Variants in HECW1 observed in about 807,000 individuals in gnomAD.
HECW1 encodes the protein HECT, C2 and WW domain containing E3 ubiquitin protein ligase 1.
A neutral mutation model predicts 182.3 loss-of-function variants in HECW1; 61 were observed. That is an observed-to-expected ratio of 0.33 (90% CI 0.27 to 0.41). HECW1 has a LOEUF of 0.41. Ranked by LOEUF, HECW1 falls within the 10% of genes least tolerant of loss-of-function variation. The probability of loss-of-function intolerance (pLI) is 1.00; values close to 1 mark genes in which losing one functional copy is unlikely to be tolerated. For missense variants in HECW1, 1,739 were observed against 2,108.9 expected (o/e 0.82, Z 3.44); for synonymous variants, 859 against 832.6 (o/e 1.03, Z -0.55).
intron 2 of HECW1, among the ~76,000 whole-genome samples, chr7:43,233,090 C>T (rs1798021532): frequency 6.6e-6 from 1 of 152,158 alleles, no homozygotes; most frequent in African/African-American, 2.4e-5. Flanking sequence ...TCTAACTTCT[C>T]TCCTTCTCCC....
rs146270567 is a variant in HECW1 at position 43,306,025 on chromosome 7, G to A, written c.28-5738G>A. Among the ~76,000 whole-genome samples, 129 of 152,242 alleles carry A rather than the reference G, an allele frequency of 8.5e-4. 1 individual carries two copies. The highest frequency in any genetic ancestry group is 6.8e-3 in the Middle Eastern group (2 of 294). ...TCCGCCCACCTCAGCCTCCCAAAGT[G>A]CCAGCATTACAGGTGTGAGCCACCC... On this transcript the variant is annotated intron_variant, in intron 3 of 29. Transcript: ENST00000395891.
chr7:43,272,034 A>C (rs1400770715), intron 3 of HECW1, among the ~76,000 whole-genome samples: 2 of 152,058 alleles, frequency 1.3e-5, no homozygotes, highest in Non-Finnish European at 2.9e-5. Flanking sequence ...GCACCCAGAA[A>C]TAAGGCCACC....
chr7:43,124,886 T>G (rs547438685), intron 2 of HECW1, among the ~76,000 whole-genome samples: 18 of 152,368 alleles, frequency 1.2e-4, no homozygotes, highest in Middle Eastern at 3.4e-3. Flanking sequence ...AAACCAAGTA[T>G]AACTGTAAGT....
chr7:43,295,612 G>A (rs2152758808), intron 3 of HECW1, among the ~76,000 whole-genome samples: 1 of 152,318 alleles, frequency 6.6e-6, no homozygotes, highest in Non-Finnish European at 1.5e-5. Flanking sequence ...AGGGAGGCAA[G>A]AGGCCCAAGG....
Position 43,501,200 on chromosome 7 carries a change from T to TAATA in HECW1, c.3522-13_3522-12insAATA. 1 of 1,250,486 alleles carries TAATA rather than the reference T, an allele frequency of 8.0e-7. No individual in the cohort carries two copies. The highest frequency in any genetic ancestry group is 1.1e-6 in the Non-Finnish European group (1 of 890,648). 77.5% of individuals were successfully genotyped at this position (1,250,486 alleles called of 1,614,324 possible). A position where few individuals can be genotyped will look rare whatever the true frequency, so the allele number is the denominator to read the frequency against. On this transcript the variant is annotated splice_polypyrimidine_tract_variant and intron_variant, in intron 20 of 29. Coordinates refer to ENST00000395891, the MANE Select transcript of HECW1 (RefSeq NM_015052.5). ...TTTTCTTTCTTTTTTTTTTTTTTTT[T>TAATA]TTTCATATGCAGTCTCTTTGAAGAA...
intron 2 of HECW1, among the ~76,000 whole-genome samples, chr7:43,167,481 A>G (rs1363658080): frequency 6.6e-6 from 1 of 152,210 alleles, no homozygotes; most frequent in Non-Finnish European, 1.5e-5. Flanking sequence ...CCACTATTCA[A>G]CAACTCCAGA....
At chr7:43,337,720 G>A (rs1169825540) in intron 5 of HECW1, among the ~76,000 whole-genome samples, 4 of 152,204 alleles carry the variant, frequency 2.6e-5, no homozygotes, top group East Asian at 3.8e-4. Context: ...GAATAGCCAA[G>A]ATCATTGTCT....
Position 43,305,982 on chromosome 7 carries a change from ACT to A in HECW1, c.28-5779_28-5778del, listed in dbSNP as rs1168700479. 4.6e-5 allele frequency among the ~76,000 whole-genome samples: 7 copies of A among 151,700 alleles called. No homozygotes were observed. In the East Asian group the frequency reaches 1.4e-3, roughly 29 times the overall value. ...TCCATGTTGGTCAAGCTGGTCTCGAACTCCCAACCTCAGATGATCCGCCCACC... is the reference window on the plus strand; with the variant it reads ...TCCATGTTGGTCAAGCTGGTCTCGAACCCAACCTCAGATGATCCGCCCACC... On this transcript the variant is annotated intron_variant, in intron 3 of 29. Transcript: ENST00000395891.
intron 2 of HECW1, among the ~76,000 whole-genome samples, chr7:43,196,710 A>G (rs1489308580): frequency 6.6e-6 from 1 of 152,190 alleles, no homozygotes; most frequent in Admixed American, 6.5e-5. Context: ...TTTTTCCACA[A>G]TATGCCCAGC....
At chr7:43,172,912 C>T (rs1466056441) in intron 2 of HECW1, among the ~76,000 whole-genome samples, 4 of 152,220 alleles carry the variant, frequency 2.6e-5, no homozygotes, top group African/African-American at 7.2e-5. Flanking sequence ...TACAGCTAGA[C>T]CATTTCACAT....
At chr7:43,514,445 C>T (rs927880191) in intron 24 of HECW1, among the ~76,000 whole-genome samples, 3 of 151,942 alleles carry the variant, frequency 2.0e-5, no homozygotes, top group Non-Finnish European at 4.4e-5. Flanking sequence ...CATGCCACCA[C>T]GCCCAGCTAA....
intron 2 of HECW1, among the ~76,000 whole-genome samples, chr7:43,209,808 C>T (rs997799507): frequency 3.3e-5 from 5 of 152,226 alleles, no homozygotes; most frequent in Admixed American, 6.5e-5. Flanking sequence ...AAATGAGAGG[C>T]GGGCATTCCA....
At chr7:43,310,951 C>T (rs1808424016) in intron 3 of HECW1, among the ~76,000 whole-genome samples, 1 of 152,148 alleles carries the variant, frequency 6.6e-6, no homozygotes, top group South Asian at 2.1e-4. Context: ...TTGCTTGTTT[C>T]TGCATGAGTT....
chr7:43,281,322 C>A (rs964920615), intron 3 of HECW1, among the ~76,000 whole-genome samples: 40 of 152,216 alleles, frequency 2.6e-4, no homozygotes, highest in African/African-American at 9.4e-4. Flanking sequence ...ACTTGTTGCA[C>A]CAGGCTCTCC....
intron 8 of HECW1, among the ~76,000 whole-genome samples, chr7:43,417,614 G>A (rs1187270388): frequency 6.6e-6 from 1 of 152,108 alleles, no homozygotes; most frequent in Admixed American, 6.5e-5. Flanking sequence ...TACAATCCCA[G>A]CTACTCGGGA....
At chr7:43,488,449 A>AAAGAAAG (rs1491472491) in intron 17 of HECW1, among the ~76,000 whole-genome samples, 5 of 139,136 alleles carry the variant, frequency 3.6e-5, no homozygotes, top group South Asian at 2.5e-4. Context: ...AGAAAGAAAG[A>AAAGAAAG]AAGAAAGAAA....
chr7:43,211,464 A>G (rs990530845), intron 2 of HECW1, among the ~76,000 whole-genome samples: 1 of 150,766 alleles, frequency 6.6e-6, no homozygotes, highest in East Asian at 1.9e-4. Flanking sequence ...GTTAGGATTG[A>G]TCATCTCTGT....
intron 8 of HECW1, among the ~76,000 whole-genome samples, chr7:43,419,070 A>G (rs2076101633): frequency 6.6e-6 from 1 of 152,190 alleles, no homozygotes; most frequent in African/African-American, 2.4e-5. Context: ...GATCAGCCAT[A>G]AACTTGGGCT....
intron 5 of HECW1, among the ~76,000 whole-genome samples, chr7:43,350,518 T>C (rs1814293754): frequency 6.6e-6 from 1 of 152,158 alleles, no homozygotes; most frequent in African/African-American, 2.4e-5. Context: ...GTTTGGTCAT[T>C]TAACATAATC....
Sources: allele counts gnomAD v4.1 joint callset (sites outside exome capture counted in the v4.1 genomes callset), GRCh38; gene constraint gnomAD v4.1.1; transcripts MANE v1.5; gene names NCBI Gene and HGNC (gene_info 2026-07-23, HGNC 2026-07-21).